GFRA1: variants seen among roughly 807,000 people sequenced by gnomAD.
The protein encoded by GFRA1 is GDNF family receptor alpha-1.
GFRA1 carries 16 observed loss-of-function variants against 51.6 expected under a neutral mutation model. That is an observed-to-expected ratio of 0.31 (90% CI 0.21 to 0.47). GFRA1 has a LOEUF of 0.47. GFRA1 is among the 20% of genes least tolerant of loss of function. The probability of loss-of-function intolerance (pLI) is 1.00; values close to 1 mark genes in which losing one functional copy is unlikely to be tolerated. For missense variants in GFRA1, 530 were observed against 594.3 expected, an observed-to-expected ratio of 0.89 and a Z score of 1.13; for synonymous variants, 270 against 241.3, an observed-to-expected ratio of 1.12 and a Z score of -1.10.
intron 9 of GFRA1, among the ~76,000 whole-genome samples, chr10:116,067,490 T>A (rs34103338): frequency 6.6e-6 from 1 of 152,196 alleles, no homozygotes; most frequent in Non-Finnish European, 1.5e-5. Flanking sequence ...CGCCTGAGTG[T>A]CCTAGACCAC....
intron 5 of GFRA1, among the ~76,000 whole-genome samples, chr10:116,172,573 G>C (rs1236934193): frequency 6.6e-6 from 1 of 152,152 alleles, no homozygotes; most frequent in Non-Finnish European, 1.5e-5. Flanking sequence ...AATGGGTTGG[G>C]GGGCAGAGGG....
Position 116,269,508 on chromosome 10 carries a change from A to G in GFRA1, c.413T>C (p.Ile138Thr). 1 of 1,576,326 alleles carries G rather than the reference A, an allele frequency of 6.3e-7. No individual in the cohort carries two copies. The highest frequency in any genetic ancestry group is 1.7e-4 in the Middle Eastern group (1 of 5,990). Residue 138 changes from isoleucine to threonine, a missense_variant, in exon 4 of 11, where the codon ATA (isoleucine) becomes ACA (threonine). Physicochemically the swap from Ile to Thr is moderately conservative, Grantham distance 89 (BLOSUM62 -1). Coordinates refer to ENST00000355422, the MANE Select transcript of GFRA1 (RefSeq NM_005264.8). ...LSDIFRVVPF[I>T]SDVFQQVEHI... The stretch of plus-strand genomic sequence containing the variant: ...GGAAGTATAAATCTGCTTACCTGAT[A>G]TGAATGGGACCACCCGGAATATATC...
At chr10:116,190,106 G>A (rs1322367911) in intron 5 of GFRA1, among the ~76,000 whole-genome samples, 1 of 152,118 alleles carries the variant, frequency 6.6e-6, no homozygotes, top group Non-Finnish European at 1.5e-5. Flanking sequence ...CATGGCACTG[G>A]ACACAACAGC....
At chr10:116,217,466 A>G (rs1322370719) in intron 4 of GFRA1, among the ~76,000 whole-genome samples, 1 of 152,160 alleles carries the variant, frequency 6.6e-6, no homozygotes, top group Non-Finnish European at 1.5e-5. Context: ...ATACTGGACT[A>G]GCTATTTAAA....
At chr10:116,177,151 C>T (rs563046150) in intron 5 of GFRA1, among the ~76,000 whole-genome samples, 15 of 152,256 alleles carry the variant, frequency 9.9e-5, no homozygotes, top group African/African-American at 3.6e-4. Context: ...ATGAATATCA[C>T]AGGCTCTGAT....
At chr10:116,200,850 C>A (rs1964274591) in intron 5 of GFRA1, among the ~76,000 whole-genome samples, 1 of 152,196 alleles carries the variant, frequency 6.6e-6, no homozygotes, top group South Asian at 2.1e-4. Context: ...GAAACAAAAA[C>A]ATTTAAGTTT....
intron 4 of GFRA1, among the ~76,000 whole-genome samples, chr10:116,241,734 G>T (rs1433346178): frequency 6.6e-6 from 1 of 152,186 alleles, no homozygotes; most frequent in Non-Finnish European, 1.5e-5. Context: ...GTTATGTACA[G>T]GATTGGGCTG....
At chr10:116,065,398 T>G (rs961900892) in intron 10 of GFRA1, among the ~76,000 whole-genome samples, 175 bp downstream of exon 10, 1 of 152,226 alleles carries the variant, frequency 6.6e-6, no homozygotes. Context: ...CTTTGTGAAC[T>G]GGAATTCAAA....
rs1329013716 is a variant in GFRA1, at chr10:116,125,368, C to T, written c.623G>A (p.Ser208Asn). The T allele has an allele frequency of 6.2e-7, 1 of 1,614,136 alleles. No individual in the cohort carries two copies. Among genetic ancestry groups the T allele is most frequent in the African/African-American group, 1.3e-5 (1 of 74,956 alleles). The change falls in exon 6 of 11, where the codon AGC becomes AAC. Residue 208 changes from serine to asparagine, a missense_variant. Transcript: ENST00000355422. Reference sequence around the variant, plus strand: ...GCAGGAGCAGAAGAGCATTCCGTAGCTGTGCTTGGCCGGGACCTTGTCAAA... The same window carrying T: ...GCAGGAGCAGAAGAGCATTCCGTAGTTGTGCTTGGCCGGGACCTTGTCAAA... ...QFFDKVPAKH[S>N]YGMLFCSCRD...
chr10:116,107,720 G>A (rs937619611), intron 6 of GFRA1, among the ~76,000 whole-genome samples: 23 of 152,158 alleles, frequency 1.5e-4, no homozygotes, highest in African/African-American at 4.3e-4. Flanking sequence ...AGGAAGTGTT[G>A]AGGTAAGTAT....
At chr10:116,172,536 G>C (rs560634122) in intron 5 of GFRA1, among the ~76,000 whole-genome samples, 22 of 152,250 alleles carry the variant, frequency 1.4e-4, no homozygotes, top group African/African-American at 5.3e-4. Context: ...AAGAGGAAAC[G>C]GCACTTGAGT....
At chr10:116,236,950 A>T (rs142121757) in intron 4 of GFRA1, among the ~76,000 whole-genome samples, 235 of 152,390 alleles carry the variant, frequency 1.5e-3, no homozygotes, top group African/African-American at 5.5e-3. Flanking sequence ...GCCTTCAAAT[A>T]AGAACTTAAA....
intron 5 of GFRA1, among the ~76,000 whole-genome samples, chr10:116,143,865 C>T (rs750193840): frequency 6.6e-6 from 1 of 152,168 alleles, no homozygotes; most frequent in Non-Finnish European, 1.5e-5. Context: ...ATGTTCTCTC[C>T]ACTCTAATGT....
intron 4 of GFRA1, among the ~76,000 whole-genome samples, chr10:116,223,682 A>C (rs1383988750): frequency 6.6e-6 from 1 of 152,228 alleles, no homozygotes; most frequent in Admixed American, 6.5e-5. Flanking sequence ...CTCCTTGTGA[A>C]GAACAGTCAG....
At chr10:116,115,178 T>A (rs1957364761) in intron 6 of GFRA1, among the ~76,000 whole-genome samples, 1 of 152,216 alleles carries the variant, frequency 6.6e-6, no homozygotes, top group African/African-American at 2.4e-5. Flanking sequence ...TCCCATTCAC[T>A]GAGTTGGAAA....
chr10:116,125,588 A>G, intron 5 of GFRA1, 31 bp from the exon 6 acceptor site: 1 of 1,545,276 alleles, frequency 6.5e-7, no homozygotes, highest in South Asian at 1.1e-5. Flanking sequence ...AGGCATGGTC[A>G]CAGTGCTCGG....
At chr10:116,273,835 T>C (rs1234416137), upstream of GFRA1, among the ~76,000 whole-genome samples, 2 of 152,124 alleles carry the variant, frequency 1.3e-5, no homozygotes, top group Non-Finnish European at 2.9e-5. Context: ...CTTGGTGCTT[T>C]CAAGACACAC....
intron 5 of GFRA1, among the ~76,000 whole-genome samples, chr10:116,166,886 G>A (rs991655586): frequency 4.6e-5 from 6 of 129,288 alleles, no homozygotes; most frequent in South Asian, 2.6e-4. Flanking sequence ...TGCAAGCTCC[G>A]CCTCCCGGGT....
Position 116,164,782 on chromosome 10 carries a change from G to A in GFRA1, c.434-39225C>T, listed in dbSNP as rs1295182893. On this transcript the variant is annotated intron_variant, in intron 5 of 10. Transcript: ENST00000355422. ...TAGCAGCAATCCAGTGTTGCCTTTAGCGGAGTTTGAGCCCTGCCAGACCCT... is the reference window on the plus strand; with the variant it reads ...TAGCAGCAATCCAGTGTTGCCTTTAACGGAGTTTGAGCCCTGCCAGACCCT... Among the ~76,000 whole-genome samples the A allele has an allele frequency of 3.9e-5, 6 of 152,138 alleles. No homozygotes were observed. The East Asian group carries it at 1.2e-3, about 29-fold the overall frequency.
Sources: allele counts gnomAD v4.1 joint callset (sites outside exome capture counted in the v4.1 genomes callset), GRCh38; gene constraint gnomAD v4.1.1; transcripts MANE v1.5; gene names NCBI Gene and HGNC (gene_info 2026-07-23, HGNC 2026-07-21).